The following SMC5 variants were observed in gnomAD, a reference collection of about 807,000 sequenced individuals.
The protein encoded by SMC5 is structural maintenance of chromosomes protein 5.
A neutral mutation model predicts 148.3 loss-of-function variants in SMC5; 88 were observed. That is an observed-to-expected ratio of 0.59 (90% confidence interval 0.50 to 0.71). The LOEUF is 0.71. SMC5 is among the 30% of genes least tolerant of loss of function. The probability of loss-of-function intolerance (pLI) is 0.00; values close to 1 mark genes in which losing one functional copy is unlikely to be tolerated. For synonymous variants in SMC5, 421 were observed against 432.8 expected (o/e 0.97, Z 0.34); for missense variants, 1,142 against 1,298.9 (o/e 0.88, Z 1.86).
intron 1 of SMC5, among the ~76,000 whole-genome samples, chr9:70,259,732 G>A (rs1183298581): frequency 6.6e-6 from 1 of 152,112 alleles, no homozygotes; most frequent in Non-Finnish European, 1.5e-5. Context: ...GGGAATGGAG[G>A]TTACAGGTAC....
intron 3 of SMC5, among the ~76,000 whole-genome samples, chr9:70,271,853 G>C (rs1018476543): frequency 2.0e-5 from 3 of 152,204 alleles, no homozygotes; most frequent in African/African-American, 7.2e-5. Context: ...ACAGTGACTG[G>C]ATCACTTTGA....
chr9:70,285,544 C>T (rs1445672790), intron 7 of SMC5, among the ~76,000 whole-genome samples: 5 of 152,166 alleles, frequency 3.3e-5, no homozygotes, highest in Non-Finnish European at 5.9e-5. Flanking sequence ...GTGAGCCACT[C>T]TTATCAGTTA....
At chr9:70,345,878 G>T (rs1386247253) in intron 18 of SMC5, among the ~76,000 whole-genome samples, 1 of 152,168 alleles carries the variant, frequency 6.6e-6, no homozygotes, top group Non-Finnish European at 1.5e-5. Context: ...GACCACGTAA[G>T]AGATACATGA....
intron 17 of SMC5, among the ~76,000 whole-genome samples, chr9:70,335,097 G>T (rs2036324547): frequency 1.3e-5 from 2 of 152,144 alleles, no homozygotes; most frequent in African/African-American, 4.8e-5. Context: ...AATCATTTGG[G>T]AGTTTAAGGG....
chr9:70,336,797 T>C (rs985189759), intron 17 of SMC5, among the ~76,000 whole-genome samples: 9 of 152,206 alleles, frequency 5.9e-5, no homozygotes, highest in African/African-American at 2.2e-4. Context: ...ACTATTAATA[T>C]GTGTAGCTTT....
chr9:70,312,742 T>C (rs1408454647), intron 11 of SMC5, among the ~76,000 whole-genome samples: 1 of 152,228 alleles, frequency 6.6e-6, no homozygotes, highest in Non-Finnish European at 1.5e-5. Flanking sequence ...CAGTTGATTT[T>C]TGACTGTTAC....
intron 18 of SMC5, among the ~76,000 whole-genome samples, chr9:70,345,082 T>C (rs1293982097): frequency 2.6e-5 from 4 of 152,274 alleles, no homozygotes; most frequent in South Asian, 2.1e-4. Context: ...TTAGTAGATA[T>C]CTTTAAAACA....
intron 16 of SMC5, 90 bp from the exon 17 acceptor site, chr9:70,323,931 G>T: frequency 8.4e-7 from 1 of 1,194,768 alleles, no homozygotes; most frequent in East Asian, 2.7e-5. Flanking sequence ...TTTTTTCATG[G>T]TTTATAATTT....
chr9:70,350,027 TACTC>T lies in SMC5; in HGVS notation c.2890-85_2890-82del, dbSNP rs1013826180. ...CACTAAATTTTGAGTTCTTTACTCTTACTCAGTTAATTCAATCCATTTTCAAATA... is the reference window on the plus strand; with the variant it reads ...CACTAAATTTTGAGTTCTTTACTCTTAGTTAATTCAATCCATTTTCAAATA... On this transcript the variant is annotated intron_variant, in intron 22 of 24. Coordinates refer to ENST00000361138, the MANE Select transcript of SMC5 (RefSeq NM_015110.4). 2.1e-4 allele frequency: 187 copies of T among 905,982 alleles called. No individual in the cohort carries two copies. In the African/African-American group the frequency reaches 2.5e-3, roughly 12 times the overall value. The allele number at this position is 905,982 out of a possible 1,614,324, so 56.1% of individuals were successfully genotyped here. A position where few individuals can be genotyped will look rare whatever the true frequency, so the allele number is the denominator to read the frequency against.
At chr9:70,346,528 A>T in intron 18 of SMC5, 77 bp from the exon 19 acceptor site, 1 of 1,401,194 alleles carries the variant, frequency 7.1e-7, no homozygotes. Context: ...TTAGTTCTTC[A>T]TAAGTGCAGT....
intron 5 of SMC5, among the ~76,000 whole-genome samples, chr9:70,279,890 A>G (rs1452081388): frequency 1.3e-5 from 2 of 151,600 alleles, no homozygotes; most frequent in African/African-American, 4.8e-5. Context: ...GGTTTGTTAT[A>G]TAGGCACATT....
intron 19 of SMC5, among the ~76,000 whole-genome samples, 194 bp downstream of exon 19, chr9:70,346,843 C>T (rs563550400): frequency 1.7e-4 from 26 of 152,272 alleles, no homozygotes; most frequent in African/African-American, 6.3e-4. Context: ...TAATACTCAA[C>T]ATCAATACAT....
At chr9:70,351,986 C>T (rs1393950143) in intron 24 of SMC5, among the ~76,000 whole-genome samples, 23 of 152,004 alleles carry the variant, frequency 1.5e-4, no homozygotes, top group Admixed American at 1.5e-3. Flanking sequence ...CTGGCTGAGG[C>T]ACGAGAATCT....
chr9:70,278,401 A>T, intron 4 of SMC5, 90 bp from the exon 5 acceptor site: 1 of 1,281,856 alleles, frequency 7.8e-7, no homozygotes, highest in African/African-American at 1.5e-5. Context: ...AATGAGTTTC[A>T]CCTTGACAAG....
chr9:70,269,079 T>TA (rs2034373889), intron 3 of SMC5, among the ~76,000 whole-genome samples: 1 of 152,222 alleles, frequency 6.6e-6, no homozygotes, highest in Admixed American at 6.5e-5. Context: ...TACTATTTGA[T>TA]ATGAGATGAG....
Position 70,338,979 on chromosome 9 carries a change from G to GA in SMC5, c.2398-5164dup, listed in dbSNP as rs530901469. On this transcript the variant is annotated intron_variant, in intron 17 of 24. Transcript: ENST00000361138. ...AAGTCCATCCTGGGCAACACTGTAAGACCTTATCTCTAAAAAAAAATAAAA... is the reference window on the plus strand; with the variant it reads ...AAGTCCATCCTGGGCAACACTGTAAGAACCTTATCTCTAAAAAAAAATAAAA... 1.3e-3 allele frequency among the ~76,000 whole-genome samples: 202 copies of GA among 152,048 alleles called. 1 individual carries two copies. Among genetic ancestry groups the GA allele is most frequent in the African/African-American group, 4.7e-3 (195 of 41,476 alleles).
Position 70,259,012 on chromosome 9 carries a change from G to A in SMC5, c.-67G>A. 1 of 1,493,564 alleles carries A rather than the reference G, an allele frequency of 6.7e-7. No homozygotes were observed. Among genetic ancestry groups the A allele is most frequent in the Non-Finnish European group, 8.9e-7 (1 of 1,119,592 alleles). 92.5% of individuals were successfully genotyped at this position (1,493,564 alleles called of 1,614,324 possible). On this transcript the variant is annotated 5_prime_UTR_variant, in exon 1 of 25. Coordinates refer to ENST00000361138, the MANE Select transcript of SMC5 (RefSeq NM_015110.4). ...GGGAGCGGGGCGCCTGGGTGGATGG[G>A]CGCTTGGGCGCCTGGGCTGCCGGAC...
At chr9:70,296,328 G>A (rs186774489) in intron 8 of SMC5, among the ~76,000 whole-genome samples, 274 of 152,122 alleles carry the variant, frequency 1.8e-3, no homozygotes, top group African/African-American at 6.3e-3. Flanking sequence ...AAAGTTTACC[G>A]AGGCAGGCAG....
intron 17 of SMC5, among the ~76,000 whole-genome samples, chr9:70,341,282 T>A (rs62570341): frequency 1.6e-4 from 24 of 152,238 alleles, no homozygotes; most frequent in Non-Finnish European, 2.4e-4. Flanking sequence ...GTTTTGTCTT[T>A]CTAAGTCCAG....
Sources: allele counts gnomAD v4.1 joint callset (sites outside exome capture counted in the v4.1 genomes callset), GRCh38; gene constraint gnomAD v4.1.1; transcripts MANE v1.5; gene names NCBI Gene and HGNC (gene_info 2026-07-23, HGNC 2026-07-21).